Variants in TCF12 observed in about 807,000 individuals in gnomAD.
TCF12 encodes the protein DNA-binding protein HTF4.
TCF12 carries 45 observed loss-of-function variants against 86.0 expected under a neutral mutation model. That is an observed-to-expected ratio of 0.52 (90% CI 0.41 to 0.67). The LOEUF (loss-of-function observed/expected upper bound fraction) is 0.67, where lower values mean the gene tolerates loss of function less well. TCF12 is among the 30% of genes least tolerant of loss of function. The pLI is 0.00. For missense variants in TCF12, 881 were observed against 859.9 expected (o/e 1.02, Z -0.31); for synonymous variants, 330 against 299.6 (o/e 1.10, Z -1.05).
rs142599633 is a variant in TCF12 at position 57,130,805 on chromosome 15, A to T, written c.326-35597A>T. Among the ~76,000 whole-genome samples, 621 of 152,306 alleles carry T rather than the reference A, an allele frequency of 4.1e-3. 7 individuals carry two copies. The highest frequency in any genetic ancestry group is 0.014 in the African/African-American group (589 of 41,556). On this transcript the variant is annotated intron_variant, in intron 5 of 20. Coordinates refer to ENST00000333725, the MANE Select transcript of TCF12 (RefSeq NM_207037.2). ...AAGTACTACATATATTAGCTCATAA[A>T]ATCTTCACAACTTACGAGTTGTATG...
intron 5 of TCF12, among the ~76,000 whole-genome samples, chr15:57,095,906 A>G (rs373285886): frequency 5.3e-5 from 8 of 152,170 alleles, no homozygotes; most frequent in Admixed American, 5.2e-4. Flanking sequence ...TATAACTGCT[A>G]TTTTGCAAAT....
rs772724149 is a variant in TCF12 at position 57,219,063 on chromosome 15, G to A, written c.580-12089G>A. 34 of 1,051,976 alleles carry A rather than the reference G, an allele frequency of 3.2e-5. No individual in the cohort carries two copies. In the South Asian group the frequency reaches 5.0e-4, roughly 16 times the overall value. The allele number at this position is 1,051,976 out of a possible 1,614,324, so 65.2% of individuals were successfully genotyped here. On this transcript the variant is annotated intron_variant, in intron 8 of 20. Transcript: ENST00000333725. Reference sequence around the variant, plus strand: ...ACTTTAGACCATGGCAGATGGTAACGCTGGAGGTGTAGCAAGCTAGGTTTC... The same window carrying A: ...ACTTTAGACCATGGCAGATGGTAACACTGGAGGTGTAGCAAGCTAGGTTTC...
chr15:57,117,358 A>G (rs146864930), intron 5 of TCF12, among the ~76,000 whole-genome samples: 30 of 152,300 alleles, frequency 2.0e-4, no homozygotes, highest in African/African-American at 7.0e-4. Context: ...AAACCCAATA[A>G]AAGAGGTAGG....
intron 3 of TCF12, among the ~76,000 whole-genome samples, chr15:56,935,059 A>G (rs1489541340): frequency 6.6e-6 from 1 of 152,228 alleles, no homozygotes; most frequent in African/African-American, 2.4e-5. Context: ...AAGACCTTGG[A>G]AACGGATAGT....
chr15:57,225,003 A>G (rs1209560958), intron 8 of TCF12, among the ~76,000 whole-genome samples: 1 of 152,132 alleles, frequency 6.6e-6, no homozygotes, highest in Non-Finnish European at 1.5e-5. Flanking sequence ...AAATACTGAA[A>G]GCATTGAGAT....
intron 8 of TCF12, among the ~76,000 whole-genome samples, chr15:57,225,220 CTTTTTTTTTTTTTTT>C (rs139530756): frequency 1.3e-4 from 5 of 39,770 alleles, no homozygotes; most frequent in Middle Eastern, 0.033. Flanking sequence ...CTGATATATG[CTTTTTTTTTTTTTTT>C]TTTTTTTTTT....
chr15:57,043,136 T>G (rs1318449290), intron 3 of TCF12, among the ~76,000 whole-genome samples: 1 of 152,200 alleles, frequency 6.6e-6, no homozygotes, highest in Admixed American at 6.5e-5. Context: ...CACATTTTCT[T>G]TATTTTTTTC....
chr15:57,127,448 C>CGTT (rs2051751595), intron 5 of TCF12, among the ~76,000 whole-genome samples: 1 of 152,048 alleles, frequency 6.6e-6, no homozygotes, highest in Admixed American at 6.6e-5. Flanking sequence ...TAAAGGCAAC[C>CGTT]TATAATAGAG....
At chr15:57,066,421 CTTAAACAA>C (rs2068879539) in intron 4 of TCF12, among the ~76,000 whole-genome samples, 1 of 151,892 alleles carries the variant, frequency 6.6e-6, no homozygotes, top group African/African-American at 2.4e-5. Context: ...AATTTGTCAA[CTTAAACAA>C]TGTAGTTGCA....
chr15:57,028,355 G>C (rs2065947922), intron 3 of TCF12, among the ~76,000 whole-genome samples: 1 of 140,770 alleles, frequency 7.1e-6, no homozygotes, highest in African/African-American at 2.9e-5. Flanking sequence ...CATTATTGTT[G>C]CAGTTGCTCA....
intron 4 of TCF12, among the ~76,000 whole-genome samples, chr15:57,077,323 ATATATGTGTGTGTG>A (rs2070167341): frequency 2.8e-5 from 1 of 35,684 alleles, no homozygotes; most frequent in African/African-American, 1.4e-4. Context: ...ATATATGTAT[ATATATGTGTGTGTG>A]TGTGTGTGTG....
chr15:57,074,457 A>G (rs1052195044), intron 4 of TCF12, among the ~76,000 whole-genome samples: 1 of 151,794 alleles, frequency 6.6e-6, no homozygotes, highest in Non-Finnish European at 1.5e-5. Context: ...TATCCTGAAA[A>G]GATGATGGAC....
chr15:57,158,835 TAG>T (rs1230765868), intron 5 of TCF12, among the ~76,000 whole-genome samples: 1 of 152,174 alleles, frequency 6.6e-6, no homozygotes, highest in African/African-American at 2.4e-5. Context: ...GAGGAGGGCA[TAG>T]AGAGTCCAGC....
chr15:57,083,497 G>A (rs894202099), intron 4 of TCF12, among the ~76,000 whole-genome samples: 1 of 151,750 alleles, frequency 6.6e-6, no homozygotes, highest in Non-Finnish European at 1.5e-5. Flanking sequence ...AGGAATTTTT[G>A]GAAAATATAG....
At chr15:57,093,575 T>G (rs1230095422) in intron 5 of TCF12, among the ~76,000 whole-genome samples, 2 of 152,186 alleles carry the variant, frequency 1.3e-5, no homozygotes, top group Non-Finnish European at 2.9e-5. Context: ...GGGACAAGTG[T>G]GGAAATTAAA....
chr15:56,958,007 G>C (rs1234437443), intron 3 of TCF12, among the ~76,000 whole-genome samples: 1 of 152,178 alleles, frequency 6.6e-6, no homozygotes, highest in Non-Finnish European at 1.5e-5. Flanking sequence ...TGGATGTTGA[G>C]AATAGGCACT....
chr15:57,071,746 G>GT (rs1307386028), intron 4 of TCF12, among the ~76,000 whole-genome samples: 8 of 152,230 alleles, frequency 5.3e-5, no homozygotes, highest in Non-Finnish European at 7.3e-5. Flanking sequence ...CTTGGCTACT[G>GT]TGAGATTCCA....
chr15:57,076,164 G>C lies in TCF12; in HGVS notation c.222+12341G>C, dbSNP rs73413367. On this transcript the variant is annotated intron_variant, in intron 4 of 20. Transcript: ENST00000333725. Reference sequence around the variant, plus strand: ...AGCCACTGCGTTCGGATGGGCATCAGATTTCTAATGTGTAAAACAAAAATT... The same window carrying C: ...AGCCACTGCGTTCGGATGGGCATCACATTTCTAATGTGTAAAACAAAAATT... 2.1e-3 allele frequency among the ~76,000 whole-genome samples: 325 copies of C among 152,000 alleles called. 1 individual carries two copies. Among genetic ancestry groups the C allele is most frequent in the African/African-American group, 7.6e-3 (316 of 41,452 alleles).
At position 56,920,262 on chromosome 15, in the gene TCF12, A is replaced by G. The variant is rs1220672397; in HGVS notation, c.75+274A>G. Among the ~76,000 whole-genome samples the G allele has an allele frequency of 2.0e-5, 3 of 152,220 alleles. No individual in the cohort carries two copies. In the East Asian group the frequency reaches 5.8e-4, roughly 30 times the overall value. On this transcript the variant is annotated intron_variant, in intron 2 of 20. Coordinates refer to ENST00000333725, the MANE Select transcript of TCF12 (RefSeq NM_207037.2). ...AACCAGTTAAAAGGAGAACAATGTA[A>G]TTATGACCTTTGGTTGAGTCACCCT...
Sources: gnomAD v4.1 joint callset for allele counts (sites outside exome capture counted in the v4.1 genomes callset) on GRCh38, gnomAD v4.1.1 for gene constraint, MANE v1.5 for transcripts, NCBI Gene and HGNC (gene_info 2026-07-23, HGNC 2026-07-21) for gene names.